The following MRPL37 variants were observed in gnomAD, a reference collection of about 807,000 sequenced individuals.
MRPL37 encodes the protein mitochondrial ribosomal protein L37.
In MRPL37, 34 loss-of-function variants were observed where a neutral mutation model predicts 44.1. That is an observed-to-expected ratio of 0.77 (90% CI 0.59 to 1.03). The LOEUF (loss-of-function observed/expected upper bound fraction) is 1.03. Among genes scored for constraint, MRPL37 ranks in the 50% least tolerant of loss-of-function variants. MRPL37 has a pLI of 0.00. For synonymous variants in MRPL37, 212 were observed against 219.5 expected (o/e 0.97, Z 0.30); for missense variants, 532 against 543.7 (o/e 0.98, Z 0.21).
At chr1:54,225,084 G>C (rs75998619), downstream of MRPL37, 15 of 1,234,216 alleles carry the variant, frequency 1.2e-5, no homozygotes, top group South Asian at 4.1e-5. Flanking sequence ...ACTCCCCATA[G>C]AAAACAGAGG....
chr1:54,213,494 A>G (rs946352556), intron 5 of MRPL37, among the ~76,000 whole-genome samples: 2 of 152,164 alleles, frequency 1.3e-5, no homozygotes, highest in Admixed American at 1.3e-4. Context: ...ATGGATAGGG[A>G]GTGGAATGGG....
Position 54,218,296 on chromosome 1 carries a change from CG to C in MRPL37, c.*49del. 1 of 1,613,670 alleles carries C rather than the reference CG, an allele frequency of 6.2e-7. No individual in the cohort carries two copies. Among genetic ancestry groups the C allele is most frequent in the South Asian group, 1.1e-5 (1 of 91,026 alleles). Reference sequence around the variant, plus strand: ...TGAAACCCCTCTTGCCTCTCTTCCACGGAAGAGGGCCTGGGCCCCGTGGAGC... The same window carrying C: ...TGAAACCCCTCTTGCCTCTCTTCCACGAAGAGGGCCTGGGCCCCGTGGAGC... On this transcript the variant is annotated 3_prime_UTR_variant, in exon 7 of 7. Coordinates refer to ENST00000360840, the MANE Select transcript of MRPL37 (RefSeq NM_016491.4).
chr1:54,212,274 G>C (rs917555529), intron 4 of MRPL37, among the ~76,000 whole-genome samples: 3 of 152,210 alleles, frequency 2.0e-5, no homozygotes, highest in Non-Finnish European at 4.4e-5. Flanking sequence ...GTAAATGAGT[G>C]AATGTGGTTG....
intron 1 of MRPL37, among the ~76,000 whole-genome samples, chr1:54,202,346 T>C (rs909025022): frequency 2.0e-5 from 3 of 152,106 alleles, no homozygotes; most frequent in African/African-American, 4.8e-5. Context: ...CCTGGTGTGA[T>C]GTCTTATGGA....
Position 54,200,228 on chromosome 1 carries a change from A to G in MRPL37, c.-16A>G. ...TGGCGGGGTCCAGGTGGAGGTCTTGAGGCTATCAGATCGGTATGGCATTGG... is the reference window on the plus strand; with the variant it reads ...TGGCGGGGTCCAGGTGGAGGTCTTGGGGCTATCAGATCGGTATGGCATTGG... On this transcript the variant is annotated 5_prime_UTR_variant, in exon 1 of 7. It removes the in-frame stop codon of an upstream open reading frame in the 5' UTR. Transcript: ENST00000360840. The G allele has an allele frequency of 6.5e-7, 1 of 1,544,372 alleles. No individual in the cohort carries two copies. The highest frequency in any genetic ancestry group is 8.7e-7 in the Non-Finnish European group (1 of 1,151,644).
chr1:54,215,811 A>C (rs1388347868), intron 5 of MRPL37, among the ~76,000 whole-genome samples: 2 of 152,142 alleles, frequency 1.3e-5, no homozygotes, highest in East Asian at 3.9e-4. Flanking sequence ...CAGGAGTTTG[A>C]GGGATTTCTG....
intron 3 of MRPL37, among the ~76,000 whole-genome samples, chr1:54,208,413 G>C (rs998833902): frequency 6.6e-6 from 1 of 152,056 alleles, no homozygotes; most frequent in Non-Finnish European, 1.5e-5. Context: ...GCCGGGCATG[G>C]TGATGGGCAC....
chr1:54,216,446 T>A, intron 6 of MRPL37, 102 bp downstream of exon 6: 1 of 1,365,086 alleles, frequency 7.3e-7, no homozygotes, highest in Non-Finnish European at 1.0e-6. Context: ...AGGAGAGCCC[T>A]GGCCCTGGGG....
At chr1:54,207,906 A>G (rs1287440092) in intron 3 of MRPL37, among the ~76,000 whole-genome samples, 2 of 152,182 alleles carry the variant, frequency 1.3e-5, no homozygotes, top group African/African-American at 4.8e-5. Flanking sequence ...GCCTTGATCC[A>G]TTACCATCAC....
chr1:54,224,996 GCTGGGGGC>G, downstream of MRPL37: 1 of 948,364 alleles, frequency 1.1e-6, no homozygotes. Context: ...GGCACTTGAG[GCTGGGGGC>G]CTGGGGTGAA....
intron 4 of MRPL37, 65 bp from the exon 5 acceptor site, chr1:54,212,436 T>C: frequency 2.5e-6 from 4 of 1,580,826 alleles, no homozygotes; most frequent in South Asian, 1.2e-5. Context: ...GAGGTGACTT[T>C]CCTGAGGCTT....
At chr1:54,202,730 A>G (rs142037963) in intron 1 of MRPL37, among the ~76,000 whole-genome samples, 2,284 of 152,190 alleles carry the variant, frequency 0.015, 19 homozygotes, top group Non-Finnish European at 0.024. Context: ...TCTCAAAGCA[A>G]TCTACCTACT....
chr1:54,200,404 G>C lies in MRPL37; in HGVS notation c.161G>C (p.Gly54Ala). The change falls in exon 1 of 7, where the codon GGA becomes GCA. Residue 54 changes from glycine to alanine, a missense_variant. Physicochemically the swap from Gly to Ala is moderately conservative, Grantham distance 60 (BLOSUM62 0). Transcript: ENST00000360840. ...PPLDRVYEIP[G>A]LEPITFAGKM... ...CTGGATAGGGTGTACGAGATCCCTG[G>C]ACTGGAGCCCATCACCTTTGCGGGG... 1.9e-6 allele frequency: 3 copies of C among 1,614,216 alleles called. No individual in the cohort carries two copies. The highest frequency in any genetic ancestry group is 2.5e-6 in the Non-Finnish European group (3 of 1,180,046).
At chr1:54,202,434 C>G (rs1317645540) in intron 1 of MRPL37, among the ~76,000 whole-genome samples, 1 of 152,156 alleles carries the variant, frequency 6.6e-6, no homozygotes, top group Non-Finnish European at 1.5e-5. Flanking sequence ...GGTGTCTCCC[C>G]CAAAGTATCT....
chr1:54,213,214 A>G (rs952362665), intron 5 of MRPL37, among the ~76,000 whole-genome samples: 1 of 152,358 alleles, frequency 6.6e-6, no homozygotes, highest in East Asian at 1.9e-4. Context: ...AATACAAACT[A>G]ACTTGTCACA....
chr1:54,219,522 T>A (rs2026045), downstream of MRPL37, among the ~76,000 whole-genome samples: 27,136 of 152,142 alleles, frequency 0.18, 2,831 homozygotes, highest in East Asian at 0.48. Context: ...GTGGCCAGCT[T>A]GGGAGGGGCC....
In MRPL37 at chr1:54,216,165, C is replaced by T. The variant is rs762106293; in HGVS notation, c.1015C>T (p.Pro339Ser). 21 of 1,614,130 alleles carry T rather than the reference C, an allele frequency of 1.3e-5. No individual in the cohort carries two copies. ...GAATGATGCCAAGGTCTTGGAGCAGCCCGTGGTGGTGCAGAGCGTGGGCAC... is the reference window on the plus strand; with the variant it reads ...GAATGATGCCAAGGTCTTGGAGCAGTCCGTGGTGGTGCAGAGCGTGGGCAC... ...YGNDAKVLEQ[P>S]VVVQSVGTDG... Residue 339 changes from proline to serine, a missense_variant, in exon 6 of 7, where the codon CCC becomes TCC. Transcript: ENST00000360840.
chr1:54,220,663 C>T (rs1410071579), downstream of MRPL37: 1 of 471,814 alleles, frequency 2.1e-6, no homozygotes, highest in Admixed American at 2.3e-5. Flanking sequence ...GTCCTCACTC[C>T]CTCATTCAAC....
chr1:54,225,430 G>A, downstream of MRPL37: 10 of 1,233,072 alleles, frequency 8.1e-6, no homozygotes, highest in Non-Finnish European at 1.0e-5. Context: ...GTCAGGAAGG[G>A]CTGCGGAAAA....
Sources: gnomAD v4.1 joint callset for allele counts (sites outside exome capture counted in the v4.1 genomes callset) on GRCh38, gnomAD v4.1.1 for gene constraint, MANE v1.5 for transcripts, NCBI Gene and HGNC (gene_info 2026-07-23, HGNC 2026-07-21) for gene names.